Variants in FLOT2 observed in about 807,000 individuals in gnomAD.
FLOT2 encodes the protein flotillin-2.
A neutral mutation model predicts 54.9 loss-of-function variants in FLOT2; 35 were observed. The ratio of observed to expected loss-of-function variants is 0.64; its 90% CI spans 0.49 to 0.84. The LOEUF (loss-of-function observed/expected upper bound fraction) is 0.84, where lower values mean the gene tolerates loss of function less well. Ranked by LOEUF, FLOT2 falls within the 40% of genes least tolerant of loss-of-function variation. The pLI is 0.00. For missense variants in FLOT2, 464 were observed against 572.1 expected (o/e 0.81, Z 1.93); for synonymous variants, 207 against 228.9 (o/e 0.90, Z 0.86).
intron 1 of FLOT2, among the ~76,000 whole-genome samples, chr17:28,894,243 T>G (rs2039702798): frequency 6.6e-6 from 1 of 152,152 alleles, no homozygotes; most frequent in Non-Finnish European, 1.5e-5. Flanking sequence ...TTCCAGCACT[T>G]TGGGAGGCTG....
chr17:28,885,184 T>C (rs2039519235), intron 2 of FLOT2, among the ~76,000 whole-genome samples: 1 of 152,148 alleles, frequency 6.6e-6, no homozygotes, highest in Non-Finnish European at 1.5e-5. Flanking sequence ...GCTCCAAGCC[T>C]CCCAGGCCTC....
chr17:28,881,233 C>T lies in FLOT2; in HGVS notation c.1057G>A (p.Asp353Asn). The T allele has an allele frequency of 1.2e-6, 2 of 1,614,192 alleles. No homozygotes were observed. Among genetic ancestry groups the T allele is most frequent in the Non-Finnish European group, 1.7e-6 (2 of 1,180,014 alleles). ...LKAEAYQKYG[D>N]AAKMALVLEA... is the part of the protein sequence containing the mutation. ...AGCACCAAGGCCATCTTGGCTGCAT[C>T]CCCGTATTTCTGGTAGGCTTCTGCC... Residue 353 changes from aspartate (D) to asparagine (N), a missense_variant, in exon 9 of 11, where the codon GAT becomes AAT. Physicochemically the swap from Asp to Asn is conservative, Grantham distance 23 (BLOSUM62 1). Transcript: ENST00000394908.
At chr17:28,888,209 A>G (rs1329828013) in intron 2 of FLOT2, among the ~76,000 whole-genome samples, 1 of 152,208 alleles carries the variant, frequency 6.6e-6, no homozygotes, top group Non-Finnish European at 1.5e-5. Context: ...GATCGTGGAA[A>G]GGTAGCTGGC....
intron 2 of FLOT2, chr17:28,886,055 G>A: frequency 3.3e-6 from 2 of 600,564 alleles, no homozygotes; most frequent in Non-Finnish European, 6.1e-6. Context: ...TGACGCCTGG[G>A]GGCGGGGGGG....
Position 28,880,311 on chromosome 17 carries a change from A to G in FLOT2, c.*250T>C. 1.5e-6 allele frequency: 2 copies of G among 1,369,962 alleles called. No homozygotes were observed. Among genetic ancestry groups the G allele is most frequent in the South Asian group, 1.8e-5 (1 of 55,190 alleles). 84.9% of individuals were successfully genotyped at this position (1,369,962 alleles called of 1,614,324 possible). A position where few individuals can be genotyped will look rare whatever the true frequency, so the allele number is the denominator to read the frequency against. On this transcript the variant is annotated 3_prime_UTR_variant, in exon 11 of 11. Coordinates refer to ENST00000394908, the MANE Select transcript of FLOT2 (RefSeq NM_004475.3). ...GAAAGAAAAAGACAGACAAAGGAAA[A>G]GACACGCAGGGAGATGAGACACAAA...
Position 28,880,470 on chromosome 17 carries a change from A to C in FLOT2, c.*91T>G. On this transcript the variant is annotated 3_prime_UTR_variant, in exon 11 of 11. Transcript: ENST00000394908. ...TGGTCCCTTCGAGATAAGGCACCAGAGTCAGTAACGTTCCCGTTGTTCTGT... is the reference window on the plus strand; with the variant it reads ...TGGTCCCTTCGAGATAAGGCACCAGCGTCAGTAACGTTCCCGTTGTTCTGT... 6.4e-7 allele frequency: 1 copy of C among 1,551,612 alleles called. No individual in the cohort carries two copies. Among genetic ancestry groups the C allele is most frequent in the South Asian group, 1.2e-5 (1 of 81,474 alleles).
chr17:28,887,040 T>G (rs2039559049), intron 2 of FLOT2, among the ~76,000 whole-genome samples: 1 of 149,480 alleles, frequency 6.7e-6, no homozygotes, highest in African/African-American at 2.5e-5. Flanking sequence ...GGAAGGGTAG[T>G]GGGGAGGGAA....
At position 28,897,300 on chromosome 17, in the gene FLOT2, G is replaced by A. The variant is rs1567940036; in HGVS notation, c.49+226C>T. Among the ~76,000 whole-genome samples, 3 of 152,246 alleles carry A rather than the reference G, an allele frequency of 2.0e-5. No individual in the cohort carries two copies. Among genetic ancestry groups the A allele is most frequent in the African/African-American group, 7.2e-5 (3 of 41,472 alleles). On this transcript the variant is annotated intron_variant, in intron 1 of 10. Coordinates refer to ENST00000394908, the MANE Select transcript of FLOT2 (RefSeq NM_004475.3). The surrounding 1 kb of genome is among the most constrained non-coding windows in gnomAD (Gnocchi z 4.4). Reference sequence around the variant, plus strand: ...GGGGGAGGAGAAGCAAATAAACACAGGAAAACCCACAGCGGGAGGGGGAGC... The same window carrying A: ...GGGGGAGGAGAAGCAAATAAACACAAGAAAACCCACAGCGGGAGGGGGAGC...
Position 28,881,878 on chromosome 17 carries a change from C to G in FLOT2, c.850G>C (p.Ala284Pro). 6.2e-7 allele frequency: 1 copy of G among 1,613,672 alleles called. No individual in the cohort carries two copies. The highest frequency in any genetic ancestry group is 8.5e-7 in the Non-Finnish European group (1 of 1,180,046). ...EILRTDKELI[A>P]TVRRPAEAEA... is the part of the protein sequence containing the mutation. ...GCCTCGGCAGGCCGGCGCACTGTAG[C>G]GATGAGCTCCTTGTCCGTACGCAGG... The change falls in exon 8 of 11, where the codon GCT becomes CCT. Residue 284 changes from alanine to proline, a missense_variant. By Grantham distance (27) the Ala-to-Pro change is conservative. Transcript: ENST00000394908.
rs768728482 is a variant in FLOT2 at position 28,883,178 on chromosome 17, C to G, written c.276G>C (p.Leu92=). The G allele has an allele frequency of 1.2e-6, 2 of 1,613,996 alleles. No homozygotes were observed. Among genetic ancestry groups the G allele is most frequent in the East Asian group, 4.5e-5 (2 of 44,884 alleles). ...ELLAVACEQF[L]GKNVQDIKNV... ...TTTTGATGTCCTGCACATTCTTACC[C>G]AGAAACTGCTCACAAGCCACGGCCA... Residue 92 remains leucine (L), a synonymous_variant, in exon 4 of 11, where the codon CTG becomes CTC. Coordinates refer to ENST00000394908, the MANE Select transcript of FLOT2 (RefSeq NM_004475.3). This position sits in a 1 kb window ranked among gnomAD's most constrained non-coding sequence, Gnocchi z 5.0.
chr17:28,880,311 A>T lies in FLOT2; in HGVS notation c.*250T>A. On this transcript the variant is annotated 3_prime_UTR_variant, in exon 11 of 11. Coordinates refer to ENST00000394908, the MANE Select transcript of FLOT2 (RefSeq NM_004475.3). ...GAAAGAAAAAGACAGACAAAGGAAAAGACACGCAGGGAGATGAGACACAAA... is the reference window on the plus strand; with the variant it reads ...GAAAGAAAAAGACAGACAAAGGAAATGACACGCAGGGAGATGAGACACAAA... 1 of 1,369,962 alleles carries T rather than the reference A, an allele frequency of 7.3e-7. No individual in the cohort carries two copies. The highest frequency in any genetic ancestry group is 9.4e-7 in the Non-Finnish European group (1 of 1,062,972). 84.9% of individuals were successfully genotyped at this position (1,369,962 alleles called of 1,614,324 possible). A position where few individuals can be genotyped will look rare whatever the true frequency, so the allele number is the denominator to read the frequency against.
In FLOT2 at chr17:28,882,635, G is replaced by A. The variant is rs759768535; in HGVS notation, c.403C>T (p.Arg135Trp). 16 of 1,613,686 alleles carry A rather than the reference G, an allele frequency of 9.9e-6. No homozygotes were observed. The highest frequency in any genetic ancestry group is 9.9e-5 in the South Asian group (9 of 91,076). Residue 135 changes from arginine to tryptophan, a missense_variant, in exon 5 of 11, where the codon CGG becomes TGG. Arg to Trp is a moderately radical substitution (Grantham distance 101). Transcript: ENST00000394908. The surrounding 1 kb of genome is among the most constrained non-coding windows in gnomAD (Gnocchi z 5.6). Reference sequence around the variant, plus strand: ...CCAACATCAGGGGCTGCCACCTCCCGCACCAGCTTGGCAAACTGGTCCCGG... The same window carrying A: ...CCAACATCAGGGGCTGCCACCTCCCACACCAGCTTGGCAAACTGGTCCCGG... ...QDRDQFAKLV[R>W]EVAAPDVGRM...
rs1434319850 is a variant in FLOT2, at chr17:28,881,269, T to C, written c.1021A>G (p.Met341Val). 1.9e-6 allele frequency: 3 copies of C among 1,614,194 alleles called. No individual in the cohort carries two copies. Residue 341 changes from methionine (M) to valine (V), a missense_variant, in exon 9 of 11, where the codon ATG becomes GTG. Met to Val is a conservative substitution (Grantham distance 21, BLOSUM62 1). Transcript: ENST00000394908. Reference protein sequence around the residue: ...EAMGKAEAERMKLKAEAYQKY... With the variant: ...EAMGKAEAERVKLKAEAYQKY... ...TGGTAGGCTTCTGCCTTGAGCTTCA[T>C]CCGCTCAGCCTCTGCCTTGCCCATC...
In FLOT2 at chr17:28,897,524, ACCTGAAACCACCAGCG is replaced by A; in HGVS notation, c.35_49+1del. 6.2e-7 allele frequency: 1 copy of A among 1,604,304 alleles called. No homozygotes were observed. The stretch of plus-strand genomic sequence containing the variant: ...CTCCCACCTTCCTCGCCGCCCCCTC[ACCTGAAACCACCAGCG>A]CCTCGTTGGGCCCCACCGTGTGGCA... On this transcript the variant is annotated splice_donor_variant and coding_sequence_variant, in exon 1 of 11. Transcript: ENST00000394908. LOFTEE classifies it high-confidence loss of function. This position sits in a 1 kb window ranked among gnomAD's most constrained non-coding sequence, Gnocchi z 4.4.
At chr17:28,892,514 T>G (rs1409858655) in intron 1 of FLOT2, 1 of 152,062 alleles carries the variant, frequency 6.6e-6, no homozygotes, top group Non-Finnish European at 1.5e-5. Flanking sequence ...AGCTTTTTTT[T>G]GTATTTTAAT....
Position 28,880,594 on chromosome 17 carries a change from G to A in FLOT2, c.1254C>T (p.Pro418=), listed in dbSNP as rs199581006. 1 of 1,614,112 alleles carries A rather than the reference G, an allele frequency of 6.2e-7. No individual in the cohort carries two copies. Among genetic ancestry groups the A allele is most frequent in the East Asian group, 2.2e-5 (1 of 44,888 alleles). ...GCACACCAGTGGCCTTCTTGATCAGGGGTATCTGCAAGGATGGGAGATGCC... is the reference window on the plus strand; with the variant it reads ...GCACACCAGTGGCCTTCTTGATCAGAGGTATCTGCAAGGATGGGAGATGCC... ...ALTGVDLSKI[P]LIKKATGVQV The change falls in exon 11 of 11, where the codon CCC becomes CCT. Residue 418 remains proline, a synonymous_variant. Transcript: ENST00000394908.
chr17:28,879,721 C>T lies in FLOT2; in HGVS notation c.*840G>A. 1.0e-6 allele frequency: 1 copy of T among 986,102 alleles called. No individual in the cohort carries two copies. The highest frequency in any genetic ancestry group is 1.2e-6 in the Non-Finnish European group (1 of 830,124). The allele number at this position is 986,102 out of a possible 1,614,324, so 61.1% of individuals were successfully genotyped here. On this transcript the variant is annotated 3_prime_UTR_variant, in exon 11 of 11. Transcript: ENST00000394908. ...AACACCCAGGACAGTGCAGCCCTAGCAGGAAGAAGGTCTACACACTTTTCT... is the reference window on the plus strand; with the variant it reads ...AACACCCAGGACAGTGCAGCCCTAGTAGGAAGAAGGTCTACACACTTTTCT...
chr17:28,882,015 T>G lies in FLOT2; in HGVS notation c.713A>C (p.Gln238Pro). Residue 238 changes from glutamine (Q) to proline (P), a missense_variant, in exon 8 of 11, where the codon CAG becomes CCG. Coordinates refer to ENST00000394908, the MANE Select transcript of FLOT2 (RefSeq NM_004475.3). The surrounding 1 kb of genome is among the most constrained non-coding windows in gnomAD (Gnocchi z 5.6). ...EEVNIKTAEA[Q>P]LAYELQGARE... ...GGCCCCCTGCAGCTCATAGGCCAAC[T>G]GGGCCTCAGCTGTCTGTGGCAAGAG... The G allele has an allele frequency of 6.2e-7, 1 of 1,614,190 alleles. No homozygotes were observed. The highest frequency in any genetic ancestry group is 8.5e-7 in the Non-Finnish European group (1 of 1,180,028).
intron 2 of FLOT2, among the ~76,000 whole-genome samples, chr17:28,886,818 T>C (rs1014843165): frequency 8.5e-5 from 13 of 152,112 alleles, no homozygotes; most frequent in African/African-American, 3.1e-4. Flanking sequence ...CAGCAGTCGA[T>C]GTGCAGCCCC....
Sources: gnomAD v4.1 joint callset for allele counts (sites outside exome capture counted in the v4.1 genomes callset) on GRCh38, gnomAD v4.1.1 for gene constraint, Gnocchi (gnomAD v3.1) non-coding constraint, MANE v1.5 for transcripts, NCBI Gene and HGNC (gene_info 2026-07-23, HGNC 2026-07-21) for gene names.